Variants in AMHR2 observed in about 807,000 individuals in gnomAD.
AMHR2 encodes the protein anti-Mullerian hormone receptor type 2, also known as anti-Muellerian hormone type-2 receptor.
AMHR2 carries 36 observed loss-of-function variants against 61.4 expected under a neutral mutation model. The observed-to-expected ratio is 0.59, with a 90% CI of 0.45 to 0.77. The LOEUF is 0.77. Ranked by LOEUF, AMHR2 falls within the 30% of genes least tolerant of loss-of-function variation. The pLI, the probability that AMHR2 is intolerant of heterozygous loss-of-function variation, is 0.00. For synonymous variants in AMHR2, 258 were observed against 279.4 expected (o/e 0.92, Z 0.76); for missense variants, 638 against 714.6 (o/e 0.89, Z 1.22).
rs1308803928 is a variant in AMHR2 at position 53,431,528 on chromosome 12, T to C, written c.*55T>C. The C allele has an allele frequency of 3.1e-6, 5 of 1,608,692 alleles. No homozygotes were observed. The highest frequency in any genetic ancestry group is 4.3e-6 in the Non-Finnish European group (5 of 1,175,758). ...TGCCAACATAAATATGGCGATTGTA[T>C]AGCTGTCTTGTCTGCCTCATCACTG... On this transcript the variant is annotated 3_prime_UTR_variant, in exon 11 of 11. Transcript: ENST00000257863.
chr12:53,425,599 TC>T, intron 5 of AMHR2, 26 bp downstream of exon 5: 1 of 1,612,978 alleles, frequency 6.2e-7, no homozygotes. Flanking sequence ...AGAGAAGGGC[TC>T]CTCTGGGCAC....
At position 53,424,350 on chromosome 12, in the gene AMHR2, A is replaced by G. The variant is rs1419166254; in HGVS notation, c.112A>G (p.Thr38Ala). 6.2e-7 allele frequency: 1 copy of G among 1,613,350 alleles called. No homozygotes were observed. The highest frequency in any genetic ancestry group is 8.5e-7 in the Non-Finnish European group (1 of 1,180,022). The change falls in exon 2 of 11, where the codon ACA (threonine) becomes GCA (alanine). Residue 38 changes from threonine to alanine, a missense_variant. Transcript: ENST00000257863. ...EAPGVRGSTK[T>A]LGELLDTGTE... ...CCCTGGAGTGCGGGGAAGCACAAAG[A>G]CACTGGGAGAGCTGCTAGATACAGG...
chr12:53,424,006 A>G (rs1939294169), intron 1 of AMHR2, 23 bp downstream of exon 1: 1 of 1,613,376 alleles, frequency 6.2e-7, no homozygotes, highest in African/African-American at 1.3e-5. Context: ...AGGGAGGGGA[A>G]GGGTCTCTCC....
In AMHR2 at chr12:53,424,838, G is replaced by A. The variant is rs749717207; in HGVS notation, c.362G>A (p.Ser121Asn). The change falls in exon 3 of 11, where the codon AGC becomes AAC. Residue 121 changes from serine (S) to asparagine (N), a missense_variant. Physicochemically the swap from Ser to Asn is conservative, Grantham distance 46 (BLOSUM62 1). Transcript: ENST00000257863. ...ACTGACTTCTGCAATGCCAATTACA[G>A]CCATCTGCCTCCTCCAGGGAGCCCT... is the stretch of plus-strand genomic sequence containing the variant. The part of the protein sequence containing the change: ...CGTDFCNANY[S>N]HLPPPGSPGT... 43 of 1,613,910 alleles carry A rather than the reference G, an allele frequency of 2.7e-5. 2 individuals carry two copies. The Middle Eastern group carries it at 6.6e-4, about 25-fold the overall frequency.
chr12:53,430,438 T>G, intron 10 of AMHR2, 156 bp downstream of exon 10: 1 of 1,139,604 alleles, frequency 8.8e-7, no homozygotes, highest in Non-Finnish European at 1.3e-6. Context: ...AAGCCTCCTC[T>G]CCCCGTCAGT....
intron 6 of AMHR2, among the ~76,000 whole-genome samples, chr12:53,428,014 T>A (rs963584819): frequency 1.3e-5 from 2 of 152,318 alleles, no homozygotes; most frequent in African/African-American, 4.8e-5. Flanking sequence ...ACCTACAGCT[T>A]CTGTACTTCT....
Position 53,431,549 on chromosome 12 carries a change from C to T in AMHR2, c.*76C>T. 1.9e-6 allele frequency: 3 copies of T among 1,575,448 alleles called. No homozygotes were observed. Among genetic ancestry groups the T allele is most frequent in the Non-Finnish European group, 2.6e-6 (3 of 1,148,382 alleles). ...TGTATAGCTGTCTTGTCTGCCTCAT[C>T]ACTGCATTTCCCACCTGCCGAATCC... On this transcript the variant is annotated 3_prime_UTR_variant, in exon 11 of 11. Coordinates refer to ENST00000257863, the MANE Select transcript of AMHR2 (RefSeq NM_020547.3).
chr12:53,425,154 T>G lies in AMHR2; in HGVS notation c.425-11T>G, dbSNP rs759554520. 1 of 1,613,746 alleles carries G rather than the reference T, an allele frequency of 6.2e-7. No homozygotes were observed. Among genetic ancestry groups the G allele is most frequent in the Non-Finnish European group, 8.5e-7 (1 of 1,180,004 alleles). On this transcript the variant is annotated splice_polypyrimidine_tract_variant and intron_variant, in intron 3 of 10. Transcript: ENST00000257863. Reference sequence around the variant, plus strand: ...GTGCTCTCCAGCCTGCATTCTTGCCTTGATGTCCAGGTGAGTCCATCTGGA... The same window carrying G: ...GTGCTCTCCAGCCTGCATTCTTGCCGTGATGTCCAGGTGAGTCCATCTGGA...
At chr12:53,426,028 C>A in intron 6 of AMHR2, 109 bp downstream of exon 6, 1 of 1,174,656 alleles carries the variant, frequency 8.5e-7, no homozygotes, top group Non-Finnish European at 1.2e-6. Context: ...TCGATTTTCT[C>A]TTTTCTAAAA....
At chr12:53,424,944 A>G in intron 3 of AMHR2, 44 bp downstream of exon 3, 1 of 1,590,156 alleles carries the variant, frequency 6.3e-7, no homozygotes, top group Non-Finnish European at 8.6e-7. Context: ...GCTGGGGCCC[A>G]GGTTAGGATG....
Position 53,431,628 on chromosome 12 carries a change from G to T in AMHR2, c.*155G>T. On this transcript the variant is annotated 3_prime_UTR_variant, in exon 11 of 11. Transcript: ENST00000257863. ...CATCAGTTCTGACCAGTGACTTGGGGTAGGTGTGCACAGGAAAGAGAATAA... is the reference window on the plus strand; with the variant it reads ...CATCAGTTCTGACCAGTGACTTGGGTTAGGTGTGCACAGGAAAGAGAATAA... 1 of 937,072 alleles carries T rather than the reference G, an allele frequency of 1.1e-6. No individual in the cohort carries two copies. The highest frequency in any genetic ancestry group is 1.7e-6 in the Non-Finnish European group (1 of 599,826). 58.0% of individuals were successfully genotyped at this position (937,072 alleles called of 1,614,324 possible).
intron 4 of AMHR2, 61 bp from the exon 5 acceptor site, chr12:53,425,394 A>G: frequency 1.2e-6 from 2 of 1,606,974 alleles, no homozygotes; most frequent in Non-Finnish European, 8.5e-7. Context: ...CCTTTCCACG[A>G]AGTCCCTTTT....
chr12:53,429,586 G>T lies in AMHR2; in HGVS notation c.1101G>T (p.Trp367Cys), dbSNP rs993767229. The change falls in exon 8 of 11, where the codon TGG (tryptophan) becomes TGT (cysteine). Residue 367 changes from tryptophan to cysteine, a missense_variant. Transcript: ENST00000257863. ...CTGGCCTCACTCAGCCCCCTGCCTG[G>T]ACCCCTACTCAACCACAAGGCCCAG... ...VLPGLTQPPA[W>C]TPTQPQGPAA... 6 of 1,614,044 alleles carry T rather than the reference G, an allele frequency of 3.7e-6. No individual in the cohort carries two copies. Among genetic ancestry groups the T allele is most frequent in the Non-Finnish European group, 5.1e-6 (6 of 1,180,000 alleles).
At chr12:53,430,402 T>C (rs1940013496) in intron 10 of AMHR2, 120 bp downstream of exon 10, 1 of 1,518,838 alleles carries the variant, frequency 6.6e-7, no homozygotes, top group Admixed American at 1.8e-5. Flanking sequence ...CATCACTCCT[T>C]GGTTCATGCT....
chr12:53,426,037 A>C, intron 6 of AMHR2, 118 bp downstream of exon 6: 1 of 1,127,394 alleles, frequency 8.9e-7, no homozygotes, highest in Non-Finnish European at 1.3e-6. Flanking sequence ...TCTTTTCTAA[A>C]ACATTAAAAA....
Position 53,426,847 on chromosome 12 carries a change from T to A in AMHR2, c.852+928T>A, listed in dbSNP as rs376942001. Among the ~76,000 whole-genome samples the A allele has an allele frequency of 4.9e-4, 74 of 151,860 alleles. No homozygotes were observed. The East Asian group carries it at 0.014, about 29-fold the overall frequency. On this transcript the variant is annotated intron_variant, in intron 6 of 10. Coordinates refer to ENST00000257863, the MANE Select transcript of AMHR2 (RefSeq NM_020547.3). ...ACAGGCGCTTGCCACCACGCCTGGC[T>A]AATTTTTGCATTTTTAGTAGAGACG...
chr12:53,426,840 GC>G (rs1939642509), intron 6 of AMHR2, among the ~76,000 whole-genome samples: 1 of 151,526 alleles, frequency 6.6e-6, no homozygotes, highest in African/African-American at 2.4e-5. Flanking sequence ...TTGCCACCAC[GC>G]CTGGCTAATT....
rs764091213 is a variant in AMHR2 at position 53,430,260 on chromosome 12, C to T, written c.1403C>T (p.Ser468Phe). The change falls in exon 10 of 11, where the codon TCC becomes TTC. Residue 468 changes from serine (S) to phenylalanine (F), a missense_variant. Coordinates refer to ENST00000257863, the MANE Select transcript of AMHR2 (RefSeq NM_020547.3). ...GAGAGGAGGCGTCCCTACATCCCAT[C>T]CACCTGGCGCTGCTTTGCCACAGTA... ...VQERRRPYIP[S>F]TWRCFATDPD... 3.7e-6 allele frequency: 6 copies of T among 1,614,072 alleles called. No homozygotes were observed. The African/African-American group carries it at 6.7e-5, about 18-fold the overall frequency.
intron 6 of AMHR2, among the ~76,000 whole-genome samples, chr12:53,427,393 TTTTTATTTTA>T (rs1198181076): frequency 5.3e-5 from 8 of 152,260 alleles, no homozygotes; most frequent in African/African-American, 1.2e-4. Context: ...CGCTACCCGC[TTTTTATTTTA>T]TTTTATTTTA....
Sources: gnomAD v4.1 joint callset for allele counts (sites outside exome capture counted in the v4.1 genomes callset) on GRCh38, gnomAD v4.1.1 for gene constraint, MANE v1.5 for transcripts, NCBI Gene and HGNC (gene_info 2026-07-23, HGNC 2026-07-21) for gene names.